Variants in HOOK2 observed in about 807,000 individuals in gnomAD.
HOOK2 encodes hook microtubule tethering protein 2.
HOOK2 carries 108 observed loss-of-function variants against 111.9 expected under a neutral mutation model. That is an observed-to-expected ratio of 0.96 (90% confidence interval 0.83 to 1.13). The LOEUF is 1.13. Ranked by LOEUF, HOOK2 falls within the 50% of genes most tolerant of loss-of-function variation. The pLI is 0.00. For synonymous variants in HOOK2, 405 were observed against 394.3 expected (o/e 1.03, Z -0.32); for missense variants, 978 against 951.3 (o/e 1.03, Z -0.37).
At chr19:12,783,306 G>GCC (rs34846874), upstream of HOOK2, among the ~76,000 whole-genome samples, 5 of 144,226 alleles carry the variant, frequency 3.5e-5, no homozygotes, top group Non-Finnish European at 4.6e-5. Flanking sequence ...AGCCAGAGGC[G>GCC]CCCCCCCCAA....
upstream of HOOK2, among the ~76,000 whole-genome samples, chr19:12,777,121 C>A (rs1438539160): frequency 1.3e-5 from 2 of 151,920 alleles, no homozygotes; most frequent in Non-Finnish European, 2.9e-5. Flanking sequence ...CGCGCCACTG[C>A]ACTCCAGCCT....
chr19:12,790,197 C>T lies in HOOK2; in HGVS notation n.42-15972G>A, dbSNP rs1968696407. Among the ~76,000 whole-genome samples the T allele has an allele frequency of 6.6e-6, 1 of 152,226 alleles. No homozygotes were observed. Among genetic ancestry groups the T allele is most frequent in the Non-Finnish European group, 1.5e-5 (1 of 68,032 alleles). Reference sequence around the variant, plus strand: ...GCTGGGCGGGCTCCAAGCACCCGGGCCTCCGCGGGGGCTCGCACGCCCAGG... The same window carrying T: ...GCTGGGCGGGCTCCAAGCACCCGGGTCTCCGCGGGGGCTCGCACGCCCAGG... On this transcript the variant is annotated intron_variant and non_coding_transcript_variant, in intron 3 of 3. Transcript: ENST00000589765. This position sits in a 1 kb window ranked among gnomAD's most constrained non-coding sequence, Gnocchi z 7.2.
upstream of HOOK2, among the ~76,000 whole-genome samples, chr19:12,782,344 T>C (rs115311132): frequency 5.2e-3 from 791 of 152,344 alleles, 2 homozygotes; most frequent in African/African-American, 0.017. Context: ...GGTGCCAAGA[T>C]GTGGCAGGTG....
At position 12,763,320 on chromosome 19, in the gene HOOK2, G is replaced by A. The variant is rs373593313; in HGVS notation, c.2122C>T (p.Leu708=). 190 of 1,613,930 alleles carry A rather than the reference G, an allele frequency of 1.2e-4. 1 individual carries two copies. The highest frequency in any genetic ancestry group is 1.3e-4 in the Non-Finnish European group (153 of 1,180,050). Residue 708 remains leucine, a synonymous_variant, in exon 23 of 23, where the codon CTG becomes TTG. Coordinates refer to ENST00000397668, the MANE Select transcript of HOOK2 (RefSeq NM_013312.3). Reference sequence around the variant, plus strand: ...GTGGGGCGAAGGTTCAGAGATGCCAGGCGTCCCAAGGGTCCACGGCGAGAA... The same window carrying A: ...GTGGGGCGAAGGTTCAGAGATGCCAAGCGTCCCAAGGGTCCACGGCGAGAA... ...TNSRRGPLGR[L]ASLNLRPTDK... is the part of the protein sequence containing the mutation.
chr19:12,768,839 C>T (rs1029320745), intron 11 of HOOK2, among the ~76,000 whole-genome samples: 1 of 151,934 alleles, frequency 6.6e-6, no homozygotes, highest in South Asian at 2.1e-4. Flanking sequence ...CCTCTCTCAA[C>T]CAGGCTGGAG....
rs1002693397 is a variant in HOOK2, at chr19:12,791,646, G to T, written n.42-17421C>A. On this transcript the variant is annotated intron_variant and non_coding_transcript_variant, in intron 3 of 3. Coordinates refer to the HOOK2 transcript ENST00000589765. The surrounding 1 kb of genome is among the most constrained non-coding windows in gnomAD (Gnocchi z 7.0). ...TGCCGGCTGGCTGCTACCCGCCCGC[G>T]CCAGCCCCCGAGAACGCGCGACCAG... is the stretch of plus-strand genomic sequence containing the variant. The T allele has an allele frequency of 3.6e-5, 23 of 641,930 alleles. No individual in the cohort carries two copies. The Admixed American group carries it at 3.9e-4, about 11-fold the overall frequency. The allele number at this position is 641,930 out of a possible 1,614,324, so 39.8% of individuals were successfully genotyped here. A position where few individuals can be genotyped will look rare whatever the true frequency, so the allele number is the denominator to read the frequency against.
At position 12,767,005 on chromosome 19, in the gene HOOK2, G is replaced by C. The variant is rs375039722; in HGVS notation, c.1373+390C>G. Among the ~76,000 whole-genome samples, 28 of 152,288 alleles carry C rather than the reference G, an allele frequency of 1.8e-4. No individual in the cohort carries two copies. The South Asian group carries it at 5.8e-3, about 32-fold the overall frequency. On this transcript the variant is annotated intron_variant, in intron 14 of 22. Transcript: ENST00000397668. ...CGGCCTTCCAAAGTGCTGGGACTTAGAGGCATGATCCACCGTGCCTGGCCC... is the reference window on the plus strand; with the variant it reads ...CGGCCTTCCAAAGTGCTGGGACTTACAGGCATGATCCACCGTGCCTGGCCC...
chr19:12,784,327 CACAG>C (rs1314531526), intron 3 of HOOK2, among the ~76,000 whole-genome samples: 7 of 152,088 alleles, frequency 4.6e-5, no homozygotes, highest in Middle Eastern at 6.8e-3. Flanking sequence ...GCCAGGGACA[CACAG>C]ACAGGGTCAG....
chr19:12,775,245 G>T, intron 1 of HOOK2, 160 bp downstream of exon 1: 1 of 985,220 alleles, frequency 1.0e-6, no homozygotes, highest in Non-Finnish European at 1.2e-6. Flanking sequence ...GACTTGCCAC[G>T]TGACGGGGGC....
chr19:12,772,398 T>C, intron 6 of HOOK2, 146 bp from the exon 7 acceptor site: 2 of 1,064,982 alleles, frequency 1.9e-6, no homozygotes, highest in Non-Finnish European at 2.8e-6. Context: ...CCCTCCTGCC[T>C]CCAACACAGA....
intron 3 of HOOK2, among the ~76,000 whole-genome samples, chr19:12,785,971 C>A (rs1043063851): frequency 6.6e-6 from 1 of 152,176 alleles, no homozygotes; most frequent in Non-Finnish European, 1.5e-5. Flanking sequence ...ATGCCCAGGT[C>A]CCCCAAGGCT....
chr19:12,763,201 C>T lies in HOOK2; in HGVS notation c.*81G>A, dbSNP rs563597267. ...GGCCTCAAAGCTCTCGAGCACCTGGCTGAAGCCCAGTGCTGGGCGCCATGT... is the reference window on the plus strand; with the variant it reads ...GGCCTCAAAGCTCTCGAGCACCTGGTTGAAGCCCAGTGCTGGGCGCCATGT... On this transcript the variant is annotated 3_prime_UTR_variant, in exon 23 of 23. Transcript: ENST00000397668. The T allele has an allele frequency of 1.5e-4, 222 of 1,472,004 alleles. 1 individual carries two copies. In the African/African-American group the frequency reaches 2.8e-3, roughly 19 times the overall value. The allele number at this position is 1,472,004 out of a possible 1,614,324, so 91.2% of individuals were successfully genotyped here. A position where few individuals can be genotyped will look rare whatever the true frequency, so the allele number is the denominator to read the frequency against.
Position 12,766,120 on chromosome 19 carries a change from C to T in HOOK2, c.1494G>A (p.Gly498=). The T allele has an allele frequency of 6.2e-7, 1 of 1,602,370 alleles. No individual in the cohort carries two copies. Among genetic ancestry groups the T allele is most frequent in the Non-Finnish European group, 8.5e-7 (1 of 1,178,904 alleles). The part of the protein sequence containing the change: ...HLEDANRARH[G]LETQHRLNQQ... ...GCGCTCACCGGTGCTGCGTCTCCAACCCGTGGCGCGCGCGGTTGGCATCCT... is the reference window on the plus strand; with the variant it reads ...GCGCTCACCGGTGCTGCGTCTCCAATCCGTGGCGCGCGCGGTTGGCATCCT... The change falls in exon 15 of 23, where the codon GGG becomes GGA. Residue 498 remains glycine (G), a synonymous_variant. Coordinates refer to ENST00000397668, the MANE Select transcript of HOOK2 (RefSeq NM_013312.3).
intron 13 of HOOK2, 37 bp from the exon 14 acceptor site, chr19:12,767,501 A>G: frequency 6.5e-7 from 1 of 1,537,648 alleles, no homozygotes; most frequent in Non-Finnish European, 9.0e-7. Context: ...GTCTCTTCGC[A>G]TCCCCTGTCC....
chr19:12,768,061 T>A lies in HOOK2; in HGVS notation c.1167A>T (p.Glu389Asp). The A allele has an allele frequency of 6.2e-7, 1 of 1,614,204 alleles. No individual in the cohort carries two copies. The highest frequency in any genetic ancestry group is 1.3e-5 in the African/African-American group (1 of 75,058). The change falls in exon 12 of 23, where the codon GAA becomes GAT. Residue 389 changes from glutamate to aspartate, a missense_variant. Around this residue, in one of 5 missense-constraint regions of HOOK2, gnomAD observed 388 missense variants for 358.3 expected, o/e 1.08. Transcript: ENST00000397668. Reference sequence around the variant, plus strand: ...CATACTTTTCCTCCAGGTTGCGGCATTCAAATAGCCATTTCTCGGCCTTCA... The same window carrying A: ...CATACTTTTCCTCCAGGTTGCGGCAATCAAATAGCCATTTCTCGGCCTTCA... ...EAMKAEKWLF[E>D]CRNLEEKYES...
intron 4 of HOOK2, 31 bp downstream of exon 4, chr19:12,772,963 C>T (rs749432163): frequency 1.4e-5 from 23 of 1,614,084 alleles, no homozygotes; most frequent in Non-Finnish European, 2.5e-6. Flanking sequence ...TCTCCCAACT[C>T]AACCCCCTGA....
chr19:12,786,832 G>A lies in HOOK2; in HGVS notation n.42-12607C>T, dbSNP rs115713295. On this transcript the variant is annotated intron_variant and non_coding_transcript_variant, in intron 3 of 3. Coordinates refer to the HOOK2 transcript ENST00000589765. This position sits in a 1 kb window ranked among gnomAD's most constrained non-coding sequence, Gnocchi z 4.3. ...CATGCTGGCCTGTCCACAGAGACCCGTGCCCCTCTGTCTGTGCCCCACCAC... is the reference window on the plus strand; with the variant it reads ...CATGCTGGCCTGTCCACAGAGACCCATGCCCCTCTGTCTGTGCCCCACCAC... 2.0e-5 allele frequency among the ~76,000 whole-genome samples: 3 copies of A among 152,244 alleles called. No homozygotes were observed. Among genetic ancestry groups the A allele is most frequent in the African/African-American group, 4.8e-5 (2 of 41,546 alleles).
At position 12,765,702 on chromosome 19, in the gene HOOK2, A is replaced by G. The variant is rs1568360570; in HGVS notation, c.1628T>C (p.Leu543Pro). Reference sequence around the variant, plus strand: ...TTCTGCGACTTACAAATGTTCCTCCAGCTTCCTTTTCAGCAAAATGGACTG... The same window carrying G: ...TTCTGCGACTTACAAATGTTCCTCCGGCTTCCTTTTCAGCAAAATGGACTG... ...DAISILLKRK[L>P]EEHLQKLHEA... Residue 543 changes from leucine to proline, a missense_variant, in exon 18 of 23, where the codon CTG becomes CCG. This residue lies in a region of HOOK2 where 277 missense variants were observed against 265.8 expected (regional missense o/e 1.04). Transcript: ENST00000397668. The G allele has an allele frequency of 8.7e-6, 14 of 1,614,176 alleles. No homozygotes were observed. The highest frequency in any genetic ancestry group is 1.1e-5 in the South Asian group (1 of 91,080).
At position 12,774,845 on chromosome 19, in the gene HOOK2, C is replaced by T; in HGVS notation, c.98G>A (p.Ser33Asn). The change falls in exon 2 of 23, where the codon AGC (serine) becomes AAC (asparagine). Residue 33 changes from serine (S) to asparagine (N), a missense_variant. Coordinates refer to ENST00000397668, the MANE Select transcript of HOOK2 (RefSeq NM_013312.3). ...CAGCACATAGGCTACGGCAAGGCCG[C>T]TGCTCAGGTCCTGAGGGCTGGCACA... ...SPCASPQDLS[S>N]GLAVAYVLNQ... 6.2e-7 allele frequency: 1 copy of T among 1,614,202 alleles called. No individual in the cohort carries two copies. Among genetic ancestry groups the T allele is most frequent in the South Asian group, 1.1e-5 (1 of 91,082 alleles).
Sources: gnomAD v4.1 joint callset for allele counts (sites outside exome capture counted in the v4.1 genomes callset) on GRCh38, gnomAD v4.1.1 for gene constraint, gnomAD v4.1.1 regional missense constraint, Gnocchi (gnomAD v3.1) non-coding constraint, MANE v1.5 for transcripts, NCBI Gene and HGNC (gene_info 2026-07-23, HGNC 2026-07-21) for gene names.